Variants in LRCH2 observed in about 807,000 individuals in gnomAD.
The protein encoded by LRCH2 is leucine rich repeats and calponin homology domain containing 2.
A neutral mutation model predicts 68.9 loss-of-function variants in LRCH2; 38 were observed. The ratio of observed to expected loss-of-function variants is 0.55; its 90% CI spans 0.43 to 0.72. The LOEUF is 0.72. LRCH2 is among the 30% of genes least tolerant of loss of function. The pLI, the probability that LRCH2 is intolerant of heterozygous loss-of-function variation, is 0.00. For missense variants in LRCH2, 528 were observed against 572.9 expected, an observed-to-expected ratio of 0.92 and a Z score of 0.80; for synonymous variants, 191 against 208.1, an observed-to-expected ratio of 0.92 and a Z score of 0.71.
At chrX:115,174,363 T>A (rs973815158) in intron 5 of LRCH2, among the ~76,000 whole-genome samples, 65 of 110,358 alleles carry the variant, frequency 5.9e-4, no homozygotes, top group African/African-American at 2.1e-3. Flanking sequence ...ATCTCCCCTT[T>A]ATCCACACCC....
At chrX:115,163,150 A>G (rs782576433) in intron 11 of LRCH2, among the ~76,000 whole-genome samples, 3 of 111,772 alleles carry the variant, frequency 2.7e-5, no homozygotes, top group Non-Finnish European at 5.6e-5. Context: ...CATCATACTG[A>G]TTTAATCAAC....
In LRCH2 at chrX:115,206,703, C is replaced by A. The variant is rs185340166; in HGVS notation, c.350-18333G>T. On this transcript the variant is annotated intron_variant, in intron 1 of 20. Coordinates refer to ENST00000317135, the MANE Select transcript of LRCH2 (RefSeq NM_020871.4). ...CTCTCAGCTCTGAAGGCTGTGAGAC[C>A]CCTGATTTCCCACTCCACACTCTAT... Among the ~76,000 whole-genome samples, 595 of 110,869 alleles carry A rather than the reference C, an allele frequency of 5.4e-3. 3 individuals carry two copies. The highest frequency in any genetic ancestry group is 0.018 in the African/African-American group (563 of 30,472).
At chrX:115,138,781 A>G (rs2072311371) in intron 14 of LRCH2, among the ~76,000 whole-genome samples, 1 of 112,359 alleles carries the variant, frequency 8.9e-6, no homozygotes, top group Non-Finnish European at 1.9e-5. Flanking sequence ...ATTACTGCAC[A>G]TATTTAAATG....
chrX:115,126,287 C>CT (rs1485091504), intron 16 of LRCH2: 2 of 111,523 alleles, frequency 1.8e-5, no homozygotes, highest in African/African-American at 3.3e-5. Flanking sequence ...TTCACAAACT[C>CT]TAACTTTCTG....
Position 115,156,646 on chromosome X carries a change from A to G in LRCH2, c.1485T>C (p.Ser495=), listed in dbSNP as rs782452127. The stretch of plus-strand genomic sequence containing the variant: ...TTTGTTTTGGCTTGTTTCTCATCAC[A>G]GAAGTTGAATGATTAAGAATCCTAG... ...QKNRILNHST[S]VMRNKPKQTV... Residue 495 remains serine (S), a synonymous_variant, in exon 12 of 21, where the codon TCT becomes TCC. Transcript: ENST00000317135. The G allele has an allele frequency of 2.1e-5, 24 of 1,134,478 alleles. No homozygotes were observed. The highest frequency in any genetic ancestry group is 2.7e-5 in the Non-Finnish European group (23 of 855,418). 93.5% of individuals were successfully genotyped at this position (1,134,478 alleles called of 1,213,427 possible).
intron 20 of LRCH2, among the ~76,000 whole-genome samples, chrX:115,115,335 T>C (rs1427576586): frequency 1.8e-5 from 2 of 110,849 alleles, no homozygotes. Flanking sequence ...CAAGACAGTG[T>C]GATACTGGAA....
intron 14 of LRCH2, among the ~76,000 whole-genome samples, chrX:115,143,667 G>A (rs782606273): frequency 2.1e-4 from 23 of 111,305 alleles, no homozygotes; most frequent in African/African-American, 7.2e-4. Flanking sequence ...ACCAGACAAA[G>A]ACACATCCAA....
In LRCH2 at chrX:115,170,293, C is replaced by T. The variant is rs1556547049; in HGVS notation, c.998+6G>A. The T allele has an allele frequency of 3.5e-6, 4 of 1,158,553 alleles. No homozygotes were observed. Among genetic ancestry groups the T allele is most frequent in the Non-Finnish European group, 4.6e-6 (4 of 872,143 alleles). On this transcript the variant is annotated splice_donor_region_variant and intron_variant, in intron 6 of 20. Transcript: ENST00000317135. ...ATCAAATGAAACTGTAAGAATGTTACATTACCTGTCTGTGAGAGGCTGTGA... is the reference window on the plus strand; with the variant it reads ...ATCAAATGAAACTGTAAGAATGTTATATTACCTGTCTGTGAGAGGCTGTGA...
intron 6 of LRCH2, 52 bp from the exon 7 acceptor site, chrX:115,166,394 A>T: frequency 1.2e-6 from 1 of 837,151 alleles, no homozygotes; most frequent in Non-Finnish European, 1.7e-6. Context: ...TTAAATAGAT[A>T]ATGCACATTT....
chrX:115,159,381 T>A, intron 11 of LRCH2, among the ~76,000 whole-genome samples: 1 of 110,681 alleles, frequency 9.0e-6, no homozygotes, highest in East Asian at 2.8e-4. Context: ...CAGAGTGACT[T>A]CAATACACTC....
At chrX:115,231,899 A>G (rs2073155030) in intron 1 of LRCH2, among the ~76,000 whole-genome samples, 1 of 111,975 alleles carries the variant, frequency 8.9e-6, no homozygotes, top group Non-Finnish European at 1.9e-5. Context: ...TGGTAAAGAC[A>G]ATAAGTACCA....
At chrX:115,167,341 A>T (rs2147391164) in intron 6 of LRCH2, among the ~76,000 whole-genome samples, 1 of 108,997 alleles carries the variant, frequency 9.2e-6, no homozygotes, top group East Asian at 2.8e-4. Flanking sequence ...TACATTTTTA[A>T]AACTTGCCTC....
chrX:115,205,009 A>T (rs1350435143), intron 1 of LRCH2, among the ~76,000 whole-genome samples: 1 of 111,847 alleles, frequency 8.9e-6, no homozygotes, highest in Non-Finnish European at 1.9e-5. Flanking sequence ...GTAATTTATA[A>T]AGAAAAGAGG....
chrX:115,191,575 C>G lies in LRCH2; in HGVS notation c.350-3205G>C, dbSNP rs967471072. On this transcript the variant is annotated intron_variant, in intron 1 of 20. Transcript: ENST00000317135. ...AGGAGGCGGCCGCTACGAGGAGTACCGAGGCCACTCGCTTGATGCCAACAG... is the reference window on the plus strand; with the variant it reads ...AGGAGGCGGCCGCTACGAGGAGTACGGAGGCCACTCGCTTGATGCCAACAG... 7 of 1,080,698 alleles carry G rather than the reference C, an allele frequency of 6.5e-6. No homozygotes were observed. In the East Asian group the frequency reaches 1.1e-4, roughly 17 times the overall value. 89.1% of individuals were successfully genotyped at this position (1,080,698 alleles called of 1,213,427 possible). A position where few individuals can be genotyped will look rare whatever the true frequency, so the allele number is the denominator to read the frequency against.
chrX:115,189,369 C>T, intron 1 of LRCH2: 3 of 1,075,804 alleles, frequency 2.8e-6, no homozygotes, highest in Non-Finnish European at 3.7e-6. Context: ...TCCACGAGAG[C>T]GCTCGAAGGC....
At position 115,170,430 on chromosome X, in the gene LRCH2, T is replaced by C. The variant is rs367953276; in HGVS notation, c.867A>G (p.Ile289Met). 1 of 1,094,693 alleles carries C rather than the reference T, an allele frequency of 9.1e-7. No individual in the cohort carries two copies. Among genetic ancestry groups the C allele is most frequent in the Non-Finnish European group, 1.2e-6 (1 of 834,921 alleles). 90.2% of individuals were successfully genotyped at this position (1,094,693 alleles called of 1,213,427 possible). A position where few individuals can be genotyped will look rare whatever the true frequency, so the allele number is the denominator to read the frequency against. The change falls in exon 6 of 21, where the codon ATA (isoleucine) becomes ATG (methionine). Residue 289 changes from isoleucine to methionine, a missense_variant and splice_region_variant. Ile to Met is a conservative substitution (Grantham distance 10, BLOSUM62 1). Transcript: ENST00000317135. ...NNPLQVPPAQICLKGKVHIFK... is the reference protein window; with the variant it reads ...NNPLQVPPAQMCLKGKVHIFK... ...ATATGTGCACCTTACCCTTTAAACATATCTGTCAATAAAAAATAAAGATTT... is the reference window on the plus strand; with the variant it reads ...ATATGTGCACCTTACCCTTTAAACACATCTGTCAATAAAAAATAAAGATTT...
intron 20 of LRCH2, among the ~76,000 whole-genome samples, chrX:115,118,761 A>T (rs1171190750): frequency 9.0e-6 from 1 of 110,856 alleles, no homozygotes; most frequent in African/African-American, 3.3e-5. Flanking sequence ...TTGATGCAAA[A>T]ATCCTCAATA....
intron 1 of LRCH2, among the ~76,000 whole-genome samples, chrX:115,193,356 G>A (rs2072860927): frequency 9.0e-6 from 1 of 111,374 alleles, no homozygotes; most frequent in South Asian, 3.7e-4. Flanking sequence ...ATATCTCTCA[G>A]GCACCTCAAA....
chrX:115,190,534 G>A (rs1251918139), intron 1 of LRCH2: 1 of 1,158,728 alleles, frequency 8.6e-7, no homozygotes, highest in East Asian at 3.3e-5. Flanking sequence ...CTCGCCCAAA[G>A]CCTATAGTGG....
Sources: gnomAD v4.1 joint callset for allele counts (sites outside exome capture counted in the v4.1 genomes callset) on GRCh38, gnomAD v4.1.1 for gene constraint, MANE v1.5 for transcripts, NCBI Gene and HGNC (gene_info 2026-07-23, HGNC 2026-07-21) for gene names.